Variants in AFF1 observed in about 807,000 individuals in gnomAD.
AFF1 encodes ALF transcription elongation factor 1.
A neutral mutation model predicts 121.7 loss-of-function variants in AFF1; 48 were observed. That is an observed-to-expected ratio of 0.39 (90% CI 0.31 to 0.50). AFF1 has a LOEUF of 0.50. Among genes scored for constraint, AFF1 ranks in the 20% least tolerant of loss-of-function variants. AFF1 has a pLI of 0.76. For missense variants in AFF1, 1,523 were observed against 1,511.7 expected, an observed-to-expected ratio of 1.01 and a Z score of -0.12; for synonymous variants, 613 against 563.0, an observed-to-expected ratio of 1.09 and a Z score of -1.26.
intron 2 of AFF1, among the ~76,000 whole-genome samples, chr4:86,958,602 C>T (rs1485386265): frequency 6.6e-6 from 1 of 151,956 alleles, no homozygotes; most frequent in African/African-American, 2.4e-5. Flanking sequence ...CCTGTAGTCC[C>T]AGCTACTCGG....
chr4:87,105,927 T>C, intron 10 of AFF1, 82 bp downstream of exon 10: 2 of 1,516,080 alleles, frequency 1.3e-6, no homozygotes, highest in Non-Finnish European at 1.8e-6. Context: ...TATTTAGTAC[T>C]TTCACATTTT....
chr4:87,135,996 TC>T lies in AFF1; in HGVS notation c.*296del. 1 of 320,556 alleles carries T rather than the reference TC, an allele frequency of 3.1e-6. No individual in the cohort carries two copies. Among genetic ancestry groups the T allele is most frequent in the Non-Finnish European group, 5.6e-6 (1 of 177,362 alleles). The allele number at this position is 320,556 out of a possible 1,614,324, so 19.9% of individuals were successfully genotyped here. A position where few individuals can be genotyped will look rare whatever the true frequency, so the allele number is the denominator to read the frequency against. ...GGTGTATGAATGGTCTAGAAACATTTCTATTTTTTTTTTAAACCAGCAGGAT... is the reference window on the plus strand; with the variant it reads ...GGTGTATGAATGGTCTAGAAACATTTTATTTTTTTTTTAAACCAGCAGGAT... On this transcript the variant is annotated 3_prime_UTR_variant, in exon 21 of 21. Coordinates refer to ENST00000395146, the MANE Select transcript of AFF1 (RefSeq NM_001166693.3).
At chr4:87,054,978 A>G (rs968589976) in intron 4 of AFF1, among the ~76,000 whole-genome samples, 3 of 152,080 alleles carry the variant, frequency 2.0e-5, no homozygotes, top group African/African-American at 7.2e-5. Flanking sequence ...AGTAGAGGCA[A>G]TTTCTGGAAC....
intron 2 of AFF1, among the ~76,000 whole-genome samples, chr4:86,996,138 C>T (rs1358452650): frequency 2.0e-5 from 3 of 149,994 alleles, no homozygotes; most frequent in Non-Finnish European, 3.0e-5. Flanking sequence ...CCGCCCTGTC[C>T]GGGAGGTGAG....
Position 87,118,440 on chromosome 4 carries a change from T to A in AFF1, c.2466+3141T>A, listed in dbSNP as rs1202531209. 1.3e-5 allele frequency among the ~76,000 whole-genome samples: 2 copies of A among 152,250 alleles called. 1 individual carries two copies. The highest frequency in any genetic ancestry group is 3.8e-4 in the East Asian group (2 of 5,202). The stretch of plus-strand genomic sequence containing the variant: ...AACTACTGAATTTCATCAGTCTGAT[T>A]ACAGTTTAGATTTTCTAATACCAAC... On this transcript the variant is annotated intron_variant, in intron 12 of 20. Transcript: ENST00000395146.
At position 87,135,726 on chromosome 4, in the gene AFF1, C is replaced by T; in HGVS notation, c.*25C>T. 1 of 1,601,628 alleles carries T rather than the reference C, an allele frequency of 6.2e-7. No individual in the cohort carries two copies. The highest frequency in any genetic ancestry group is 8.5e-7 in the Non-Finnish European group (1 of 1,173,798). On this transcript the variant is annotated 3_prime_UTR_variant, in exon 21 of 21. Coordinates refer to ENST00000395146, the MANE Select transcript of AFF1 (RefSeq NM_001166693.3). Reference sequence around the variant, plus strand: ...ATGGAGCCCCAGGTTGATTCAATGCCTTGGGAACTATTTTTGCACATTGGA... The same window carrying T: ...ATGGAGCCCCAGGTTGATTCAATGCTTTGGGAACTATTTTTGCACATTGGA...
rs779224630 is a variant in AFF1 at position 87,115,186 on chromosome 4, G to A, written c.2353G>A (p.Gly785Arg). The change falls in exon 12 of 21, where the codon GGG becomes AGG. Residue 785 changes from glycine to arginine, a missense_variant. This residue lies in a region of AFF1 where 905 missense variants were observed against 842.5 expected (regional missense o/e 1.07). Transcript: ENST00000395146. ...GCTCTCTCGGATACCCCAGCCTCCCGGGAAGGGGAGCCGCCAGAGGAAAGC... is the reference window on the plus strand; with the variant it reads ...GCTCTCTCGGATACCCCAGCCTCCCAGGAAGGGGAGCCGCCAGAGGAAAGC... The part of the protein sequence containing the change: ...DLLSRIPQPP[G>R]KGSRQRKAED... The A allele has an allele frequency of 2.2e-5, 35 of 1,614,032 alleles. 1 individual carries two copies. The highest frequency in any genetic ancestry group is 1.1e-4 in the South Asian group (10 of 91,082).
chr4:86,979,483 A>C (rs1723564159), intron 2 of AFF1, among the ~76,000 whole-genome samples: 1 of 152,232 alleles, frequency 6.6e-6, no homozygotes. Context: ...ACTGATACGA[A>C]TAAAACCTAT....
At chr4:86,956,423 G>T (rs71605694) in intron 2 of AFF1, among the ~76,000 whole-genome samples, 3 of 152,158 alleles carry the variant, frequency 2.0e-5, no homozygotes, top group Non-Finnish European at 4.4e-5. Flanking sequence ...TCTACAAGTG[G>T]CATAGTCATC....
intron 4 of AFF1, among the ~76,000 whole-genome samples, chr4:87,065,896 T>G (rs533144687): frequency 6.6e-6 from 1 of 152,342 alleles, no homozygotes; most frequent in South Asian, 2.1e-4. Flanking sequence ...TGTAGAAATT[T>G]TTCTTGAGTG....
rs1335568635 is a variant in AFF1 at position 87,134,686 on chromosome 4, A to C, written c.3527A>C (p.Lys1176Thr). 1 of 1,612,350 alleles carries C rather than the reference A, an allele frequency of 6.2e-7. No homozygotes were observed. The highest frequency in any genetic ancestry group is 1.1e-5 in the South Asian group (1 of 91,044). Residue 1176 changes from lysine to threonine, a missense_variant, in exon 20 of 21, where the codon AAG becomes ACG. Lys to Thr is a moderately conservative substitution (Grantham distance 78). Around this residue, in one of 5 missense-constraint regions of AFF1, gnomAD observed 241 missense variants for 265.2 expected, o/e 0.91. Transcript: ENST00000395146. Reference sequence around the variant, plus strand: ...GAACAGGCCGAGGCCCTCACGAGGAAGAATAAAGGTAAATAAATGGCTTTG... The same window carrying C: ...GAACAGGCCGAGGCCCTCACGAGGACGAATAAAGGTAAATAAATGGCTTTG... ...LWEQAEALTR[K>T]NKEFFARLST...
chr4:87,132,827 A>T (rs752654557), intron 19 of AFF1, among the ~76,000 whole-genome samples: 24 of 152,186 alleles, frequency 1.6e-4, no homozygotes, highest in Non-Finnish European at 2.9e-4. Context: ...AGTAGCTGGG[A>T]TTACAGGCCT....
At chr4:86,943,607 T>A (rs1578815902) in intron 1 of AFF1, among the ~76,000 whole-genome samples, 2 of 152,186 alleles carry the variant, frequency 1.3e-5, no homozygotes, top group Non-Finnish European at 1.5e-5. Context: ...CTCACACCTG[T>A]GATACCAGCA....
intron 4 of AFF1, among the ~76,000 whole-genome samples, chr4:87,049,095 AG>A (rs34105259): frequency 0.35 from 38,584 of 111,824 alleles, 6,639 homozygotes; most frequent in South Asian, 0.47. Context: ...AAAAAAAAAA[AG>A]GGGGGGGGGG....
At chr4:87,047,735 TTAA>T (rs1156510304) in intron 4 of AFF1, 141 bp downstream of exon 4, 6 of 1,104,854 alleles carry the variant, frequency 5.4e-6, no homozygotes, top group Admixed American at 3.4e-5. Flanking sequence ...TAGGATCTTG[TTAA>T]TAACCCGCGA....
At chr4:87,060,706 G>A (rs974898603) in intron 4 of AFF1, among the ~76,000 whole-genome samples, 1 of 152,022 alleles carries the variant, frequency 6.6e-6, no homozygotes, top group South Asian at 2.1e-4. Context: ...AGGTATGGTG[G>A]CAGGCGCCTG....
At chr4:87,127,461 C>A (rs1220241845) in intron 15 of AFF1, among the ~76,000 whole-genome samples, 182 bp from the exon 16 acceptor site, 4 of 152,182 alleles carry the variant, frequency 2.6e-5, no homozygotes, top group African/African-American at 9.6e-5. Flanking sequence ...CTGCACCCAG[C>A]CACTTCTTGC....
At chr4:87,015,565 A>G (rs1727209370) in intron 2 of AFF1, among the ~76,000 whole-genome samples, 1 of 152,190 alleles carries the variant, frequency 6.6e-6, no homozygotes, top group Non-Finnish European at 1.5e-5. Context: ...GAAAAGTCCT[A>G]GGTTGGCAGT....
At position 86,980,660 on chromosome 4, in the gene AFF1, G is replaced by GA. The variant is rs34865826; in HGVS notation, c.38+32096dup. On this transcript the variant is annotated intron_variant, in intron 2 of 20. Coordinates refer to ENST00000395146, the MANE Select transcript of AFF1 (RefSeq NM_001166693.3). ...AATAATGCTACCTTTAGTAAGGGTA[G>GA]AAAAAAATGAAAATGTGCATTCATT... Among the ~76,000 whole-genome samples the GA allele has an allele frequency of 5.7e-3, 862 of 152,064 alleles. 10 individuals are homozygous for GA. The highest frequency in any genetic ancestry group is 0.02 in the African/African-American group (825 of 41,484).
Sources: gnomAD v4.1 joint callset for allele counts (sites outside exome capture counted in the v4.1 genomes callset) on GRCh38, gnomAD v4.1.1 for gene constraint, gnomAD v4.1.1 regional missense constraint, MANE v1.5 for transcripts, NCBI Gene and HGNC (gene_info 2026-07-23, HGNC 2026-07-21) for gene names.